HCN1: variants seen among roughly 807,000 people sequenced by gnomAD.
The protein encoded by HCN1 is hyperpolarization activated cyclic nucleotide gated potassium channel 1.
Under a neutral mutation model 78.9 loss-of-function variants are expected in HCN1, and 13 were observed. That is an observed-to-expected ratio of 0.16 (90% CI 0.11 to 0.26). The LOEUF (loss-of-function observed/expected upper bound fraction) is 0.26, where lower values mean the gene tolerates loss of function less well. Among genes scored for constraint, HCN1 ranks in the 10% least tolerant of loss-of-function variants. The probability of loss-of-function intolerance (pLI) is 1.00; values close to 1 mark genes in which losing one functional copy is unlikely to be tolerated. For missense variants in HCN1, 810 were observed against 1,154.3 expected (o/e 0.70, Z 4.32); for synonymous variants, 552 against 455.5 (o/e 1.21, Z -2.70).
rs1379610579 is a variant in HCN1, at chr5:45,255,823, G to A, written c.*6098C>T. 1 of 151,804 alleles carries A rather than the reference G, an allele frequency of 6.6e-6. No homozygotes were observed. Among genetic ancestry groups the A allele is most frequent in the African/African-American group, 2.4e-5 (1 of 41,320 alleles). The allele number at this position is 151,804 out of a possible 1,614,324, so 9.4% of individuals were successfully genotyped here. On this transcript the variant is annotated 3_prime_UTR_variant, in exon 8 of 8. Coordinates refer to ENST00000303230, the MANE Select transcript of HCN1 (RefSeq NM_021072.4). ...CAGGAAATAAAAACCTTTCAAGAAA[G>A]TCTCTTTGCCTCTACACATCTGAAT...
intron 5 of HCN1, among the ~76,000 whole-genome samples, chr5:45,323,811 G>C (rs1746176532): frequency 6.6e-6 from 1 of 151,834 alleles, no homozygotes; most frequent in Non-Finnish European, 1.5e-5. Context: ...GAGAACATGT[G>C]GTGTTTGGTT....
chr5:45,564,421 A>G (rs973834010), intron 2 of HCN1, among the ~76,000 whole-genome samples: 1 of 152,032 alleles, frequency 6.6e-6, no homozygotes, highest in Non-Finnish European at 1.5e-5. Context: ...CTAATTTAGT[A>G]GAAACGGGGT....
At chr5:45,535,426 C>G in intron 2 of HCN1, among the ~76,000 whole-genome samples, 1 of 152,086 alleles carries the variant, frequency 6.6e-6, no homozygotes, top group African/African-American at 2.4e-5. Context: ...GGTGAAACCC[C>G]GTCTTTACAA....
In HCN1 at chr5:45,608,624, A is replaced by G. The variant is rs1744773286; in HGVS notation, c.849+36561T>C. ...AGATATGCATTTAAGAAATGTTTAC[A>G]CAGTATATGAAAATCAATTTTGATG... On this transcript the variant is annotated intron_variant, in intron 2 of 7. Transcript: ENST00000303230. Among the ~76,000 whole-genome samples the G allele has an allele frequency of 5.3e-5, 8 of 152,126 alleles. No individual in the cohort carries two copies. The South Asian group carries it at 1.7e-3, about 31-fold the overall frequency.
At chr5:45,645,035 T>C in intron 2 of HCN1, 150 bp downstream of exon 2, 1 of 611,708 alleles carries the variant, frequency 1.6e-6, no homozygotes. Flanking sequence ...GATACAAATA[T>C]ATCACTTATG....
intron 1 of HCN1, among the ~76,000 whole-genome samples, chr5:45,680,354 T>A (rs535939198): frequency 7.4e-4 from 112 of 151,868 alleles, no homozygotes; most frequent in Admixed American, 1.2e-3. Context: ...AAAAAAGTAT[T>A]GATTATTTAT....
At chr5:45,277,043 A>G (rs1745074828) in intron 6 of HCN1, among the ~76,000 whole-genome samples, 1 of 152,078 alleles carries the variant, frequency 6.6e-6, no homozygotes, top group Non-Finnish European at 1.5e-5. Flanking sequence ...CATGGGTAAG[A>G]AAGTTAGTCC....
chr5:45,688,678 C>T (rs564969978), intron 1 of HCN1, among the ~76,000 whole-genome samples: 7 of 151,970 alleles, frequency 4.6e-5, no homozygotes, highest in South Asian at 4.2e-4. Context: ...AAAACTTGTA[C>T]GAGAATATTC....
At chr5:45,500,917 T>A (rs940290521) in intron 2 of HCN1, among the ~76,000 whole-genome samples, 2 of 152,134 alleles carry the variant, frequency 1.3e-5, no homozygotes, top group Non-Finnish European at 2.9e-5. Flanking sequence ...TTTTCTAGAG[T>A]TTAACAAAAT....
At chr5:45,309,055 G>A (rs992852969) in intron 5 of HCN1, among the ~76,000 whole-genome samples, 1 of 152,026 alleles carries the variant, frequency 6.6e-6, no homozygotes, top group African/African-American at 2.4e-5. Flanking sequence ...GTAGTGGTTT[G>A]TACTATCCTT....
chr5:45,676,538 T>A (rs1158687625), intron 1 of HCN1, among the ~76,000 whole-genome samples: 1 of 151,722 alleles, frequency 6.6e-6, no homozygotes, highest in Non-Finnish European at 1.5e-5. Flanking sequence ...CTTAGGCCAT[T>A]CAGATAAATG....
intron 2 of HCN1, among the ~76,000 whole-genome samples, chr5:45,585,575 C>T (rs142214235): frequency 0.033 from 4,977 of 152,238 alleles, 267 homozygotes; most frequent in African/African-American, 0.11. Context: ...TGAGGAGCTG[C>T]GTTCCTTTGG....
chr5:45,385,811 T>C (rs1747896947), intron 4 of HCN1, among the ~76,000 whole-genome samples: 1 of 152,182 alleles, frequency 6.6e-6, no homozygotes, highest in South Asian at 2.1e-4. Flanking sequence ...GCCATGTGTC[T>C]GTTTGGGAAT....
At chr5:45,377,127 C>T (rs913517548) in intron 4 of HCN1, among the ~76,000 whole-genome samples, 3 of 151,826 alleles carry the variant, frequency 2.0e-5, no homozygotes, top group African/African-American at 7.3e-5. Context: ...AAAATAGAAG[C>T]CTTGAAATTC....
Position 45,332,453 on chromosome 5 carries a change from G to A in HCN1, c.1377+20647C>T, listed in dbSNP as rs562270430. On this transcript the variant is annotated intron_variant, in intron 5 of 7. Coordinates refer to ENST00000303230, the MANE Select transcript of HCN1 (RefSeq NM_021072.4). The stretch of plus-strand genomic sequence containing the variant: ...TTCATTCTTTCTATTTTTTTTTTTC[G>A]TACCCATTAACCATCCTCACCTTCC... Among the ~76,000 whole-genome samples, 22 of 135,408 alleles carry A rather than the reference G, an allele frequency of 1.6e-4. No homozygotes were observed. The East Asian group carries it at 1.7e-3, about 10-fold the overall frequency. 88.8% of individuals were successfully genotyped at this position (135,408 alleles called of 152,430 possible). A position where few individuals can be genotyped will look rare whatever the true frequency, so the allele number is the denominator to read the frequency against.
intron 4 of HCN1, among the ~76,000 whole-genome samples, chr5:45,372,961 TA>T (rs1209495056): frequency 7.3e-6 from 1 of 136,594 alleles, no homozygotes; most frequent in Non-Finnish European, 1.6e-5. Context: ...ATTTTATACA[TA>T]AAAGATATAA....
chr5:45,355,142 G>A (rs183155392), intron 4 of HCN1, among the ~76,000 whole-genome samples: 1 of 151,942 alleles, frequency 6.6e-6, no homozygotes, highest in South Asian at 2.1e-4. Context: ...AACAATAAGA[G>A]AGTATTTGAC....
chr5:45,467,937 A>T (rs951208202), intron 2 of HCN1, among the ~76,000 whole-genome samples: 1 of 151,982 alleles, frequency 6.6e-6, no homozygotes. Flanking sequence ...AACACAACTC[A>T]TCGGAACTTT....
In HCN1 at chr5:45,256,072, A is replaced by C. The variant is rs1418910823; in HGVS notation, c.*5849T>G. The C allele has an allele frequency of 6.6e-6, 1 of 152,164 alleles. No homozygotes were observed. The highest frequency in any genetic ancestry group is 1.5e-5 in the Non-Finnish European group (1 of 68,022). 9.4% of individuals were successfully genotyped at this position (152,164 alleles called of 1,614,324 possible). On this transcript the variant is annotated 3_prime_UTR_variant, in exon 8 of 8. Transcript: ENST00000303230. ...CATATGGTATTACTGAAACAACTAC[A>C]TAGAAAAAAATAGCAGGGCCGGGTG...
Sources: allele counts gnomAD v4.1 joint callset (sites outside exome capture counted in the v4.1 genomes callset), GRCh38; gene constraint gnomAD v4.1.1; transcripts MANE v1.5; gene names NCBI Gene and HGNC (gene_info 2026-07-23, HGNC 2026-07-21).